Variants in PLXNA4 observed in about 807,000 individuals in gnomAD.
PLXNA4 encodes the protein plexin-A4.
In PLXNA4, 44 loss-of-function variants were observed where a neutral mutation model predicts 191.8. That is an observed-to-expected ratio of 0.23 (90% CI 0.18 to 0.29). The LOEUF is 0.29. Ranked by LOEUF, PLXNA4 falls within the 10% of genes least tolerant of loss-of-function variation. The pLI is 1.00. For synonymous variants in PLXNA4, 1,082 were observed against 1,009.5 expected (o/e 1.07, Z -1.36); for missense variants, 1,800 against 2,488.8 (o/e 0.72, Z 5.89).
intron 9 of PLXNA4, among the ~76,000 whole-genome samples, chr7:132,220,342 G>A (rs1354170041): frequency 6.6e-6 from 1 of 152,124 alleles, no homozygotes; most frequent in Non-Finnish European, 1.5e-5. Flanking sequence ...AATGGCCCTG[G>A]GATTGAGCTG....
intron 9 of PLXNA4, among the ~76,000 whole-genome samples, chr7:132,214,270 C>T (rs1241066584): frequency 1.3e-5 from 2 of 152,190 alleles, no homozygotes; most frequent in Non-Finnish European, 1.5e-5. Flanking sequence ...CAAAACCTGT[C>T]TCCCACGTCC....
intron 4 of PLXNA4, among the ~76,000 whole-genome samples, chr7:132,241,966 A>G (rs995768953): frequency 3.9e-5 from 6 of 152,248 alleles, no homozygotes; most frequent in Non-Finnish European, 7.4e-5. Context: ...ATGCTCTTAA[A>G]TATCTTTTGA....
chr7:132,357,072 G>A (rs575997875), intron 3 of PLXNA4, among the ~76,000 whole-genome samples: 1 of 152,298 alleles, frequency 6.6e-6, no homozygotes, highest in East Asian at 1.9e-4. Context: ...AGAGATGGGT[G>A]TTGGCTAAGG....
chr7:132,228,388 C>T lies in PLXNA4; in HGVS notation c.1686G>A (p.Thr562=), dbSNP rs751131006. ...ASEMKQCVRL[T]VHPNNISVSQ... is the part of the protein sequence containing the mutation. ...AGACGGAGATATTGTTGGGATGGAC[C>T]GTCAGCCGGACACACTGCTTCATCT... Residue 562 remains threonine, a synonymous_variant, in exon 6 of 32, where the codon ACG becomes ACA. Transcript: ENST00000321063. The T allele has an allele frequency of 3.3e-5, 53 of 1,613,996 alleles. No homozygotes were observed. The highest frequency in any genetic ancestry group is 8.9e-5 in the East Asian group (4 of 44,874).
chr7:132,594,605 T>C (rs1222251087), intron 2 of PLXNA4, among the ~76,000 whole-genome samples: 1 of 152,236 alleles, frequency 6.6e-6, no homozygotes, highest in Non-Finnish European at 1.5e-5. Flanking sequence ...CAGCACACTT[T>C]GAAAACCATG....
chr7:132,576,454 A>C lies in PLXNA4; in HGVS notation c.-119T>G, dbSNP rs1167341050. On this transcript the variant is annotated 5_prime_UTR_variant, in exon 1 of 32. Transcript: ENST00000321063. This position sits in a 1 kb window ranked among gnomAD's most constrained non-coding sequence, Gnocchi z 5.8. ...CGCCGCGTTTCCCTCCTTCAGCGGG[A>C]GCGCCGCATTGACACTGCAGATGGA... 5.1e-6 allele frequency: 5 copies of C among 985,024 alleles called. No homozygotes were observed. In the African/African-American group the frequency reaches 5.3e-5, roughly 10 times the overall value. 61.0% of individuals were successfully genotyped at this position (985,024 alleles called of 1,614,324 possible). A position where few individuals can be genotyped will look rare whatever the true frequency, so the allele number is the denominator to read the frequency against.
intron 20 of PLXNA4, among the ~76,000 whole-genome samples, chr7:132,179,133 ACACACGTGCGTGCT>A (rs1353749477): frequency 6.6e-5 from 7 of 105,998 alleles, no homozygotes; most frequent in South Asian, 3.4e-4. Flanking sequence ...GTGCGTGCTC[ACACACGTGCGTGCT>A]CACACACACA....
chr7:132,594,529 A>G lies in PLXNA4; in HGVS notation c.-87+51399T>C, dbSNP rs148786415. ...GGTGAGCAAGTTGGACTTGATTTGC[A>G]GCTTTCAAACTGTTTGAGTCTTGAC... On this transcript the variant is annotated intron_variant, in intron 2 of 4. Transcript: ENST00000378539. Among the ~76,000 whole-genome samples, 94 of 152,370 alleles carry G rather than the reference A, an allele frequency of 6.2e-4. 1 individual carries two copies. The highest frequency in any genetic ancestry group is 2.1e-3 in the African/African-American group (88 of 41,596).
rs558670420 is a variant in PLXNA4, at chr7:132,410,986, G to A, written c.1371+78306C>T. ...CTTTTAGAAAAAGTTCTGGTGCTTT[G>A]GCCATCATCCCGATTACGTTTGCCC... On this transcript the variant is annotated intron_variant, in intron 3 of 31. Transcript: ENST00000321063. Among the ~76,000 whole-genome samples the A allele has an allele frequency of 9.6e-4, 146 of 152,260 alleles. 3 individuals carry two copies. In the South Asian group the frequency reaches 0.018, roughly 19 times the overall value.
chr7:132,613,859 A>G (rs1268080472), intron 2 of PLXNA4, among the ~76,000 whole-genome samples: 2 of 152,254 alleles, frequency 1.3e-5, no homozygotes, highest in Admixed American at 6.5e-5. Flanking sequence ...AAAAAAAGTA[A>G]AAGAAAAAAA....
intron 21 of PLXNA4, among the ~76,000 whole-genome samples, chr7:132,169,218 T>C (rs1220320610): frequency 6.6e-6 from 1 of 152,204 alleles, no homozygotes; most frequent in Non-Finnish European, 1.5e-5. Context: ...GCTGTTTTCT[T>C]AGGGACTCTC....
chr7:132,621,246 G>T (rs12532017), intron 2 of PLXNA4, among the ~76,000 whole-genome samples: 54 of 127,562 alleles, frequency 4.2e-4, no homozygotes, highest in Admixed American at 4.7e-4. Context: ...GTTTTTTTTT[G>T]TTTTTTTTTT....
Position 132,552,593 on chromosome 7 carries a change from A to C in PLXNA4, c.-87+23829T>G, listed in dbSNP as rs190566783. On this transcript the variant is annotated intron_variant, in intron 1 of 31. Coordinates refer to ENST00000321063, the MANE Select transcript of PLXNA4 (RefSeq NM_020911.2). ...TAGAAGGCTCTGGAAGGTGAGAATAAAAAGTCCTTCTGCAAGTGTGAGGTT... is the reference window on the plus strand; with the variant it reads ...TAGAAGGCTCTGGAAGGTGAGAATACAAAGTCCTTCTGCAAGTGTGAGGTT... Among the ~76,000 whole-genome samples the C allele has an allele frequency of 5.0e-3, 762 of 152,324 alleles. 3 individuals carry two copies. Among genetic ancestry groups the C allele is most frequent in the Admixed American group, 8.1e-3 (124 of 15,298 alleles).
At chr7:132,190,193 T>C (rs747273945) in intron 14 of PLXNA4, among the ~76,000 whole-genome samples, 41 of 152,220 alleles carry the variant, frequency 2.7e-4, no homozygotes, top group Non-Finnish European at 5.1e-4. Context: ...TGGAAAATTA[T>C]ATTCTATTTG....
rs189532140 is a variant in PLXNA4, at chr7:132,287,765, G to T, written c.1503+10326C>A. Among the ~76,000 whole-genome samples the T allele has an allele frequency of 3.6e-4, 55 of 152,280 alleles. No homozygotes were observed. In the East Asian group the frequency reaches 0.011, roughly 29 times the overall value. Reference sequence around the variant, plus strand: ...CTACCCTGCCTACTCCCTCTGTGAGGTGAGGCTGGTGCCACCCAGGGCTCC... The same window carrying T: ...CTACCCTGCCTACTCCCTCTGTGAGTTGAGGCTGGTGCCACCCAGGGCTCC... On this transcript the variant is annotated intron_variant, in intron 4 of 31. Transcript: ENST00000321063.
chr7:132,132,467 G>A (rs1563048315), intron 31 of PLXNA4, among the ~76,000 whole-genome samples: 386 of 37,502 alleles, frequency 0.01, 16 homozygotes, highest in Admixed American at 0.013. Flanking sequence ...GTTCTGTTCT[G>A]CTCTGCTCTG....
chr7:132,155,177 C>A (rs538778037), intron 25 of PLXNA4, among the ~76,000 whole-genome samples: 27 of 152,286 alleles, frequency 1.8e-4, no homozygotes, highest in Admixed American at 1.7e-3. Context: ...ACTACAGGAA[C>A]CTCTGGAGGT....
At chr7:132,141,583 T>C (rs987742973) in intron 29 of PLXNA4, among the ~76,000 whole-genome samples, 1 of 152,028 alleles carries the variant, frequency 6.6e-6, no homozygotes, top group African/African-American at 2.4e-5. Flanking sequence ...GGGAGGACTG[T>C]TGGTGCTAGG....
chr7:132,557,732 C>T (rs953041076), intron 1 of PLXNA4, among the ~76,000 whole-genome samples: 3 of 152,014 alleles, frequency 2.0e-5, no homozygotes, highest in African/African-American at 7.2e-5. Context: ...GCTCTGTTTA[C>T]CATCAGCTGG....
Sources: allele counts gnomAD v4.1 joint callset (sites outside exome capture counted in the v4.1 genomes callset), GRCh38; gene constraint gnomAD v4.1.1; non-coding constraint Gnocchi (gnomAD v3.1); transcripts MANE v1.5; gene names NCBI Gene and HGNC (gene_info 2026-07-23, HGNC 2026-07-21).